IFT43: variants seen among roughly 807,000 people sequenced by gnomAD.
IFT43 encodes the protein intraflagellar transport 43, also known as intraflagellar transport protein 43 homolog.
Under a neutral mutation model 32.3 loss-of-function variants are expected in IFT43, and 33 were observed. That is an observed-to-expected ratio of 1.02 (90% confidence interval 0.77 to 1.37). IFT43 has a LOEUF of 1.37. Ranked by LOEUF, IFT43 falls within the 40% of genes most tolerant of loss-of-function variation. The probability of loss-of-function intolerance (pLI) is 0.00; values close to 1 mark genes in which losing one functional copy is unlikely to be tolerated. For missense variants in IFT43, 274 were observed against 265.9 expected (o/e 1.03, Z -0.21); for synonymous variants, 93 against 98.2 (o/e 0.95, Z 0.31).
intron 5 of IFT43, among the ~76,000 whole-genome samples, chr14:76,073,625 A>G (rs1483549900): frequency 6.6e-6 from 1 of 152,118 alleles, no homozygotes; most frequent in African/African-American, 2.4e-5. Context: ...GTACTTGTCT[A>G]TATACACATG....
At chr14:76,021,158 A>G (rs923328976) in intron 2 of IFT43, among the ~76,000 whole-genome samples, 1 of 151,858 alleles carries the variant, frequency 6.6e-6, no homozygotes, top group Non-Finnish European at 1.5e-5. Flanking sequence ...GGGTCAGCCT[A>G]TCCTCAGGCC....
rs527447335 is a variant in IFT43, at chr14:76,001,057, C to T, written c.147+12080C>T. On this transcript the variant is annotated intron_variant, in intron 2 of 8. Coordinates refer to ENST00000314067, the MANE Select transcript of IFT43 (RefSeq NM_001102564.3). ...ATGAAGAACCTATAGCATGAACTCC[C>T]GATTCCTTTTTTGACACATAGACCC... Among the ~76,000 whole-genome samples the T allele has an allele frequency of 3.9e-5, 6 of 152,192 alleles. No homozygotes were observed. The East Asian group carries it at 5.8e-4, about 15-fold the overall frequency.
At chr14:76,029,851 T>TTTTA (rs150115612) in intron 3 of IFT43, among the ~76,000 whole-genome samples, 10 of 117,474 alleles carry the variant, frequency 8.5e-5, no homozygotes, top group South Asian at 2.9e-4. Context: ...TTTATTTTTA[T>TTTTA]TTTTATTTTA....
chr14:76,057,230 T>C (rs1380564308), intron 3 of IFT43, among the ~76,000 whole-genome samples: 1 of 143,330 alleles, frequency 7.0e-6, no homozygotes, highest in Non-Finnish European at 1.5e-5. Context: ...AATTATTTTA[T>C]TTTATATTAT....
At chr14:76,055,938 G>A (rs571913038) in intron 3 of IFT43, among the ~76,000 whole-genome samples, 1 of 152,330 alleles carries the variant, frequency 6.6e-6, no homozygotes, top group East Asian at 1.9e-4. Flanking sequence ...GTGTTTGGGA[G>A]CAATGCGGGG....
intron 2 of IFT43, among the ~76,000 whole-genome samples, chr14:76,011,206 G>A (rs1230480693): frequency 2.6e-5 from 4 of 152,096 alleles, no homozygotes; most frequent in Non-Finnish European, 5.9e-5. Context: ...CACTGCACCT[G>A]GCCCACTCCT....
chr14:76,069,101 GCACAGCAGCATCTGCTT>G (rs1238113969), intron 5 of IFT43, among the ~76,000 whole-genome samples: 1 of 152,174 alleles, frequency 6.6e-6, no homozygotes, highest in East Asian at 1.9e-4. Context: ...TGTGCAGGAA[GCACAGCAGCATCTGCTT>G]CTGGGGAGGC....
At chr14:76,075,778 A>G (rs539327258) in intron 5 of IFT43, among the ~76,000 whole-genome samples, 1 of 152,330 alleles carries the variant, frequency 6.6e-6, no homozygotes, top group East Asian at 1.9e-4. Flanking sequence ...ACTTAACTTC[A>G]TCTTCAATCA....
intron 2 of IFT43, among the ~76,000 whole-genome samples, chr14:76,000,823 A>C (rs1321058863): frequency 1.3e-5 from 2 of 152,196 alleles, no homozygotes; most frequent in East Asian, 3.8e-4. Context: ...ATGGATAATG[A>C]CATTTTTGAG....
At chr14:76,043,029 G>A (rs1223866425) in intron 3 of IFT43, among the ~76,000 whole-genome samples, 1 of 152,250 alleles carries the variant, frequency 6.6e-6, no homozygotes, top group East Asian at 1.9e-4. Flanking sequence ...CCTGGGCTGG[G>A]ATGAGAGGAA....
intron 3 of IFT43, among the ~76,000 whole-genome samples, chr14:76,044,306 T>A (rs928747035): frequency 1.3e-5 from 2 of 152,018 alleles, no homozygotes; most frequent in African/African-American, 4.8e-5. Context: ...TCCCAAAGTG[T>A]CGGGATTACA....
rs140765626 is a variant in IFT43, at chr14:76,021,442, A to G, written c.148-885A>G. ...ATGGAGTCCCCTGTCAGTCATGTAC[A>G]TATAACTCATTAACACTAAATAGTA... On this transcript the variant is annotated intron_variant, in intron 2 of 8. Transcript: ENST00000314067. Among the ~76,000 whole-genome samples the G allele has an allele frequency of 6.7e-3, 1,017 of 152,348 alleles. 9 individuals are homozygous for G. The highest frequency in any genetic ancestry group is 0.021 in the South Asian group (99 of 4,828).
At chr14:76,035,559 A>G (rs989338313) in intron 3 of IFT43, among the ~76,000 whole-genome samples, 1 of 152,070 alleles carries the variant, frequency 6.6e-6, no homozygotes, top group Non-Finnish European at 1.5e-5. Flanking sequence ...GCTTCCCTTT[A>G]GCAGCAAGTA....
chr14:76,055,415 A>G (rs2036993969), intron 3 of IFT43, among the ~76,000 whole-genome samples: 1 of 152,124 alleles, frequency 6.6e-6, no homozygotes, highest in Non-Finnish European at 1.5e-5. Flanking sequence ...TATATATAAA[A>G]CAGGAAACAA....
intron 3 of IFT43, among the ~76,000 whole-genome samples, chr14:76,049,653 A>C (rs1318850583): frequency 6.6e-6 from 1 of 152,116 alleles, no homozygotes; most frequent in Admixed American, 6.5e-5. Flanking sequence ...TTTGGGGAAC[A>C]CTCATACAGC....
chr14:76,066,510 A>G lies in IFT43; in HGVS notation c.295+7137A>G, dbSNP rs1444126413. Among the ~76,000 whole-genome samples, 3 of 152,258 alleles carry G rather than the reference A, an allele frequency of 2.0e-5. No homozygotes were observed. In the East Asian group the frequency reaches 5.8e-4, roughly 29 times the overall value. Reference sequence around the variant, plus strand: ...ATGCAGTAGGAATCATATGTTACATATAACTAGTTTCTAGAATTATCTTTG... The same window carrying G: ...ATGCAGTAGGAATCATATGTTACATGTAACTAGTTTCTAGAATTATCTTTG... On this transcript the variant is annotated intron_variant, in intron 5 of 8. Coordinates refer to ENST00000314067, the MANE Select transcript of IFT43 (RefSeq NM_001102564.3).
chr14:76,027,482 G>A (rs1364135986), intron 3 of IFT43, among the ~76,000 whole-genome samples: 1 of 152,060 alleles, frequency 6.6e-6, no homozygotes, highest in Non-Finnish European at 1.5e-5. Context: ...GGCCGAGGCG[G>A]GTGGATCACG....
chr14:76,058,492 G>T (rs2037067796), intron 3 of IFT43, 150 bp from the exon 4 acceptor site: 3 of 792,496 alleles, frequency 3.8e-6, no homozygotes, highest in Non-Finnish European at 6.1e-6. Context: ...CATGCTGGTT[G>T]TGGGGCTTGT....
intron 3 of IFT43, among the ~76,000 whole-genome samples, chr14:76,030,028 G>A (rs893333109): frequency 6.6e-6 from 1 of 151,808 alleles, no homozygotes; most frequent in African/African-American, 2.4e-5. Flanking sequence ...CTGCAGGCAT[G>A]CACCACAATG....
Sources: allele counts gnomAD v4.1 joint callset (sites outside exome capture counted in the v4.1 genomes callset), GRCh38; gene constraint gnomAD v4.1.1; transcripts MANE v1.5; gene names NCBI Gene and HGNC (gene_info 2026-07-23, HGNC 2026-07-21).